The following CTNNA3 variants were observed in gnomAD, a reference collection of about 807,000 sequenced individuals.
The protein encoded by CTNNA3 is catenin alpha 3, also known as catenin alpha-3.
A neutral mutation model predicts 95.7 loss-of-function variants in CTNNA3; 76 were observed. That is an observed-to-expected ratio of 0.79 (90% CI 0.66 to 0.96). The LOEUF is 0.96. Ranked by LOEUF, CTNNA3 falls within the 40% of genes least tolerant of loss-of-function variation. CTNNA3 has a pLI of 0.00. For synonymous variants in CTNNA3, 431 were observed against 374.4 expected (o/e 1.15, Z -1.74); for missense variants, 1,191 against 1,089.8 (o/e 1.09, Z -1.31).
chr10:66,220,541 C>T (rs528041835), intron 13 of CTNNA3, among the ~76,000 whole-genome samples: 28 of 152,228 alleles, frequency 1.8e-4, no homozygotes, highest in African/African-American at 4.8e-4. Flanking sequence ...TGTCTACGGA[C>T]GGCTTAAGTA....
intron 5 of CTNNA3, among the ~76,000 whole-genome samples, chr10:67,271,677 C>T (rs1838982572): frequency 6.6e-6 from 1 of 152,080 alleles, no homozygotes; most frequent in African/African-American, 2.4e-5. Flanking sequence ...CACTCACAAC[C>T]ACATAGGATA....
intron 11 of CTNNA3, among the ~76,000 whole-genome samples, chr10:66,495,314 A>G (rs1024855964): frequency 2.9e-4 from 44 of 152,296 alleles, no homozygotes; most frequent in African/African-American, 1.1e-3. Flanking sequence ...TTTATCTGAA[A>G]AAAATCAGAT....
At chr10:67,614,670 T>C (rs1843589311) in intron 2 of CTNNA3, among the ~76,000 whole-genome samples, 1 of 152,224 alleles carries the variant, frequency 6.6e-6, no homozygotes, top group South Asian at 2.1e-4. Flanking sequence ...GCTCATCTCC[T>C]GCTGTGTGGC....
intron 13 of CTNNA3, among the ~76,000 whole-genome samples, chr10:66,263,034 T>C (rs992859683): frequency 6.6e-6 from 1 of 151,990 alleles, no homozygotes; most frequent in African/African-American, 2.4e-5. Flanking sequence ...TTTGAAACTA[T>C]TATTCTCATT....
intron 7 of CTNNA3, among the ~76,000 whole-genome samples, chr10:67,078,317 C>T (rs914039238): frequency 1.3e-5 from 2 of 152,074 alleles, no homozygotes; most frequent in African/African-American, 2.4e-5. Context: ...GGCCAAGGTA[C>T]AGTGTCAAAA....
intron 1 of CTNNA3, among the ~76,000 whole-genome samples, chr10:67,720,225 G>C (rs1841172177): frequency 6.8e-6 from 1 of 146,744 alleles, no homozygotes. Flanking sequence ...CACGTGAAAT[G>C]GGTCTCCTGA....
chr10:65,952,585 A>G (rs1292174700), intron 17 of CTNNA3, among the ~76,000 whole-genome samples: 1 of 152,034 alleles, frequency 6.6e-6, no homozygotes, highest in Non-Finnish European at 1.5e-5. Flanking sequence ...TCTGTCTACA[A>G]ATGATTGCAG....
chr10:66,533,164 T>A (rs752548623), intron 10 of CTNNA3, among the ~76,000 whole-genome samples: 10 of 152,162 alleles, frequency 6.6e-5, no homozygotes, highest in Non-Finnish European at 1.3e-4. Context: ...TTGGCCCCTG[T>A]TTATTTCTCT....
At chr10:66,459,944 T>G (rs2093517736) in intron 11 of CTNNA3, among the ~76,000 whole-genome samples, 1 of 151,292 alleles carries the variant, frequency 6.6e-6, no homozygotes, top group African/African-American at 2.4e-5. Context: ...ATTTTGGTTC[T>G]TTATTTTAAA....
At chr10:67,214,749 T>C (rs1057178382) in intron 6 of CTNNA3, among the ~76,000 whole-genome samples, 3 of 152,030 alleles carry the variant, frequency 2.0e-5, no homozygotes, top group Non-Finnish European at 2.9e-5. Flanking sequence ...TTATTTTCTC[T>C]GAGAATGATT....
intron 10 of CTNNA3, among the ~76,000 whole-genome samples, chr10:66,599,176 CA>C (rs1201508242): frequency 6.6e-6 from 1 of 151,916 alleles, no homozygotes; most frequent in Non-Finnish European, 1.5e-5. Flanking sequence ...TTCAGGCTTT[CA>C]AATATTTGCC....
intron 12 of CTNNA3, among the ~76,000 whole-genome samples, chr10:66,329,389 CT>C (rs367973431): frequency 9.8e-4 from 149 of 152,134 alleles, no homozygotes; most frequent in African/African-American, 3.5e-3. Context: ...AAATGCAAAT[CT>C]CAGCCAGAAG....
At position 67,677,055 on chromosome 10, in the gene CTNNA3, C is replaced by G. The variant is rs142751404; in HGVS notation, c.-6+18945G>C. Among the ~76,000 whole-genome samples, 6 of 152,268 alleles carry G rather than the reference C, an allele frequency of 3.9e-5. No individual in the cohort carries two copies. In the East Asian group the frequency reaches 1.2e-3, roughly 29 times the overall value. On this transcript the variant is annotated intron_variant, in intron 1 of 17. Transcript: ENST00000433211. ...AAAGAGTCCAGGTTTTCAGTCTTCTCCTGTTTGAAGGCTCCCAGATTCTAC... is the reference window on the plus strand; with the variant it reads ...AAAGAGTCCAGGTTTTCAGTCTTCTGCTGTTTGAAGGCTCCCAGATTCTAC...
At position 66,779,523 on chromosome 10, in the gene CTNNA3, ATT is replaced by A. The variant is rs59453549; in HGVS notation, c.1048-4001_1048-4000del. On this transcript the variant is annotated intron_variant, in intron 7 of 17. Coordinates refer to ENST00000433211, the MANE Select transcript of CTNNA3 (RefSeq NM_013266.4). The stretch of plus-strand genomic sequence containing the variant: ...AGGTGCCTACCACCATGCCTGGCTT[ATT>A]TTTTTTTTTGTACTTTTAGTAGAGG... Among the ~76,000 whole-genome samples, 460 of 146,202 alleles carry A rather than the reference ATT, an allele frequency of 3.1e-3. 6 individuals carry two copies. The highest frequency in any genetic ancestry group is 0.011 in the African/African-American group (428 of 40,080).
intron 1 of CTNNA3, among the ~76,000 whole-genome samples, chr10:67,737,720 A>C (rs1272418483): frequency 1.3e-5 from 2 of 152,228 alleles, no homozygotes. Flanking sequence ...ATCTCACACC[A>C]GTTAGAATGG....
intron 14 of CTNNA3, among the ~76,000 whole-genome samples, chr10:66,084,062 T>C (rs12773997): frequency 0.29 from 41,702 of 145,200 alleles, 6,464 homozygotes; most frequent in South Asian, 0.43. Context: ...TTGAACCCAG[T>C]AGGCAGAGGT....
chr10:66,857,889 C>A (rs919646530), intron 7 of CTNNA3, among the ~76,000 whole-genome samples: 8 of 152,052 alleles, frequency 5.3e-5, no homozygotes, highest in Admixed American at 2.0e-4. Context: ...ATTTGGATGT[C>A]TTTAATTTCT....
intron 5 of CTNNA3, among the ~76,000 whole-genome samples, chr10:67,453,920 G>A (rs1847079989): frequency 6.6e-6 from 1 of 152,134 alleles, no homozygotes. Flanking sequence ...AACCATCAAA[G>A]CCATATGTAT....
At chr10:66,482,514 A>C (rs1839573463) in intron 11 of CTNNA3, among the ~76,000 whole-genome samples, 1 of 152,130 alleles carries the variant, frequency 6.6e-6, no homozygotes. Context: ...GCTTTTAAGT[A>C]GGAGATTTCT....
Sources: allele counts gnomAD v4.1 joint callset (sites outside exome capture counted in the v4.1 genomes callset), GRCh38; gene constraint gnomAD v4.1.1; transcripts MANE v1.5; gene names NCBI Gene and HGNC (gene_info 2026-07-23, HGNC 2026-07-21).